ST6GALNAC6: variants seen among roughly 807,000 people sequenced by gnomAD.
ST6GALNAC6 encodes ST6 N-acetylgalactosaminide alpha-2,6-sialyltransferase 6.
A neutral mutation model predicts 34.3 loss-of-function variants in ST6GALNAC6; 19 were observed. The observed-to-expected ratio is 0.55, with a 90% CI of 0.39 to 0.81. The LOEUF is 0.81. Ranked by LOEUF, ST6GALNAC6 falls within the 40% of genes least tolerant of loss-of-function variation. ST6GALNAC6 has a pLI of 0.00. For missense variants in ST6GALNAC6, 377 were observed against 467.7 expected (o/e 0.81, Z 1.79); for synonymous variants, 185 against 182.1 (o/e 1.02, Z -0.13).
chr9:127,898,261 C>T (rs1830590109), intron 1 of ST6GALNAC6, among the ~76,000 whole-genome samples: 1 of 152,110 alleles, frequency 6.6e-6, no homozygotes, highest in Admixed American at 6.5e-5. Flanking sequence ...GGCGTGGTGG[C>T]GTGCGCCTGT....
rs375024580 is a variant in ST6GALNAC6 at position 127,894,539 on chromosome 9, G to A, written c.270C>T (p.Asp90=). 67 of 1,613,978 alleles carry A rather than the reference G, an allele frequency of 4.2e-5. No homozygotes were observed. The highest frequency in any genetic ancestry group is 1.3e-4 in the Admixed American group (8 of 60,002). The part of the protein sequence containing the change: ...PVNLKKWSIT[D]GYVPILGNKT... ...TGTTGCCGAGAATGGGGACATAGCC[G>A]TCAGTGATGCTCCACTTCTTGAGGT... Residue 90 remains aspartate, a synonymous_variant, in exon 4 of 7, where the codon GAC becomes GAT. Coordinates refer to ENST00000373146, the MANE Select transcript of ST6GALNAC6 (RefSeq NM_013443.5).
chr9:127,905,392 G>A, upstream of ST6GALNAC6: 3 of 985,568 alleles, frequency 3.0e-6, no homozygotes, highest in Non-Finnish European at 3.6e-6. Flanking sequence ...CACCATTTGG[G>A]CCAACCCAGC....
intron 2 of ST6GALNAC6, among the ~76,000 whole-genome samples, chr9:127,896,666 C>A (rs1830474324): frequency 6.6e-6 from 1 of 152,202 alleles, no homozygotes; most frequent in African/African-American, 2.4e-5. Context: ...GCTCTAAACC[C>A]TGCCTTGGGT....
At position 127,886,781 on chromosome 9, in the gene ST6GALNAC6, G is replaced by T; in HGVS notation, c.820C>A (p.Pro274Thr). ...TGGTAGGGCATGCGCTGGAGGCGGG[G>T]CCGCTGGCTGGGACAGAGCAGACGG... The part of the protein sequence containing the change: ...MVPPNYCSQR[P>T]RLQRMPYHYY... Residue 274 changes from proline to threonine, a missense_variant, in exon 7 of 7, where the codon CCC (proline) becomes ACC (threonine). Physicochemically the swap from Pro to Thr is conservative, Grantham distance 38. Transcript: ENST00000373146. 6.2e-7 allele frequency: 1 copy of T among 1,605,614 alleles called. No homozygotes were observed. The highest frequency in any genetic ancestry group is 1.3e-5 in the African/African-American group (1 of 74,958).
chr9:127,897,500 C>T, intron 2 of ST6GALNAC6: 4 of 935,710 alleles, frequency 4.3e-6, no homozygotes, highest in Non-Finnish European at 3.8e-6. Flanking sequence ...CCCGCCCCCT[C>T]CCCGTGGGAG....
rs371572596 is a variant in ST6GALNAC6, at chr9:127,886,586, C to T, written c.*13G>A. The T allele has an allele frequency of 5.0e-6, 8 of 1,613,346 alleles. No individual in the cohort carries two copies. The African/African-American group carries it at 1.1e-4, about 22-fold the overall frequency. ...CTCCTCTGACCCTCCTGAGGTCCCA[C>T]AGGCTGGGTGGCCTAGGTCCAGGAG... On this transcript the variant is annotated 3_prime_UTR_variant, in exon 7 of 7. Transcript: ENST00000373146.
chr9:127,889,444 C>T (rs199691722), intron 5 of ST6GALNAC6, among the ~76,000 whole-genome samples: 2 of 139,606 alleles, frequency 1.4e-5, no homozygotes, highest in Non-Finnish European at 3.1e-5. Flanking sequence ...TCTTTTTTTT[C>T]TTTTTTTTTT....
chr9:127,886,808 C>G lies in ST6GALNAC6; in HGVS notation c.813-20G>C. On this transcript the variant is annotated intron_variant, in intron 6 of 6. Coordinates refer to ENST00000373146, the MANE Select transcript of ST6GALNAC6 (RefSeq NM_013443.5). ...CGCTGGCTGGGACAGAGCAGACGGG[C>G]GTCATCAGGGCAAGGTGAGCGCTGG... 6.3e-7 allele frequency: 1 copy of G among 1,578,820 alleles called. No individual in the cohort carries two copies.
rs1829704492 is a variant in ST6GALNAC6 at position 127,885,490 on chromosome 9, A to G, written c.*1109T>C. The G allele has an allele frequency of 6.5e-6, 1 of 152,766 alleles. No homozygotes were observed. The highest frequency in any genetic ancestry group is 1.5e-5 in the Non-Finnish European group (1 of 68,486). The allele number at this position is 152,766 out of a possible 1,614,324, so 9.5% of individuals were successfully genotyped here. A position where few individuals can be genotyped will look rare whatever the true frequency, so the allele number is the denominator to read the frequency against. ...GAAGCCCTTTCCTTCCAGGCTCCAG[A>G]AGAGCAGGAGACAAACACACCCCAC... is the stretch of plus-strand genomic sequence containing the variant. On this transcript the variant is annotated 3_prime_UTR_variant, in exon 7 of 7. Transcript: ENST00000373146.
intron 2 of ST6GALNAC6, chr9:127,897,486 C>T (rs1830539775): frequency 1.0e-6 from 1 of 964,994 alleles, no homozygotes; most frequent in Admixed American, 5.9e-5. Flanking sequence ...GCCCCCTCTC[C>T]AACCCCGCCC....
At chr9:127,896,056 T>G (rs993523553) in intron 3 of ST6GALNAC6, among the ~76,000 whole-genome samples, 186 bp downstream of exon 3, 5 of 152,184 alleles carry the variant, frequency 3.3e-5, no homozygotes, top group African/African-American at 1.2e-4. Context: ...GGCAGGAGCT[T>G]GCCCTAAGCC....
In ST6GALNAC6 at chr9:127,890,162, A is replaced by T. The variant is rs527669302; in HGVS notation, c.704+475T>A. Among the ~76,000 whole-genome samples, 41 of 152,244 alleles carry T rather than the reference A, an allele frequency of 2.7e-4. No individual in the cohort carries two copies. The highest frequency in any genetic ancestry group is 5.3e-4 in the Non-Finnish European group (36 of 68,042). On this transcript the variant is annotated intron_variant, in intron 5 of 6. Transcript: ENST00000373146. The surrounding 1 kb of genome is among the most constrained non-coding windows in gnomAD (Gnocchi z 4.3). Reference sequence around the variant, plus strand: ...ACATATGTGGCTCACATAGATTTCTATTGGGCAGCACTGGCCTAGCTTTCC... The same window carrying T: ...ACATATGTGGCTCACATAGATTTCTTTTGGGCAGCACTGGCCTAGCTTTCC...
chr9:127,900,924 C>T (rs1830731285), upstream of ST6GALNAC6, among the ~76,000 whole-genome samples: 1 of 132,638 alleles, frequency 7.5e-6, no homozygotes, highest in African/African-American at 2.9e-5. Flanking sequence ...GCAGAGATTG[C>T]AGTGAGCCGA....
At chr9:127,894,485 A>G (rs1830327145) in intron 4 of ST6GALNAC6, 27 bp downstream of exon 4, 2 of 1,611,308 alleles carry the variant, frequency 1.2e-6, no homozygotes, top group African/African-American at 1.3e-5. Context: ...GGCAGTAGGG[A>G]GGAGCTCCCC....
chr9:127,887,554 TAAACC>T lies in ST6GALNAC6; in HGVS notation c.737_741del (p.Trp246TyrfsTer10). On this transcript the variant is annotated frameshift_variant, in exon 6 of 7. Coordinates refer to ENST00000373146, the MANE Select transcript of ST6GALNAC6 (RefSeq NM_013443.5). LOFTEE classifies it high-confidence loss of function. ...CACAACTCCACCGCGATCACCATGGTAAACCAGCCTGTGCTCAACCACGAATGAGA... is the reference window on the plus strand; with the variant it reads ...CACAACTCCACCGCGATCACCATGGTAGCCTGTGCTCAACCACGAATGAGA... 6.2e-7 allele frequency: 1 copy of T among 1,612,640 alleles called. No homozygotes were observed. Among genetic ancestry groups the T allele is most frequent in the African/African-American group, 1.3e-5 (1 of 74,974 alleles).
At chr9:127,895,727 T>C (rs1292503979) in intron 3 of ST6GALNAC6, among the ~76,000 whole-genome samples, 2 of 152,144 alleles carry the variant, frequency 1.3e-5, no homozygotes, top group Admixed American at 6.5e-5. Context: ...AACCACCCCA[T>C]CCCACTTCCA....
At chr9:127,897,179 C>T in intron 2 of ST6GALNAC6, 1 of 985,708 alleles carries the variant, frequency 1.0e-6, no homozygotes, top group Non-Finnish European at 1.2e-6. Context: ...CAACCAAAAC[C>T]CAGCTCCTTT....
rs549137165 is a variant in ST6GALNAC6 at position 127,890,786 on chromosome 9, G to T, written c.555C>A (p.Pro185=). ...CCTGGGGCTTCTGCATCTTGCTCGG[G>T]GGCCCCCAGAAGATGAACACGGTTT... ...TPETVFIFWG[P]PSKMQKPQGS... is the part of the protein sequence containing the mutation. The change falls in exon 5 of 7, where the codon CCC becomes CCA. Residue 185 remains proline, a synonymous_variant. Transcript: ENST00000373146. This position sits in a 1 kb window ranked among gnomAD's most constrained non-coding sequence, Gnocchi z 4.3. 126 of 1,612,478 alleles carry T rather than the reference G, an allele frequency of 7.8e-5. No homozygotes were observed. The highest frequency in any genetic ancestry group is 8.8e-5 in the Non-Finnish European group (104 of 1,178,646).
intron 6 of ST6GALNAC6, among the ~76,000 whole-genome samples, chr9:127,887,084 C>A (rs1170020617): frequency 7.4e-6 from 1 of 135,444 alleles, no homozygotes; most frequent in Non-Finnish European, 1.7e-5. Context: ...TTTGGAGGAC[C>A]TTTGGCTACT....
Sources: gnomAD v4.1 joint callset for allele counts (sites outside exome capture counted in the v4.1 genomes callset) on GRCh38, gnomAD v4.1.1 for gene constraint, Gnocchi (gnomAD v3.1) non-coding constraint, MANE v1.5 for transcripts, NCBI Gene and HGNC (gene_info 2026-07-23, HGNC 2026-07-21) for gene names.